CFLAR: variants seen among roughly 807,000 people sequenced by gnomAD.
CFLAR encodes the protein CASP8 and FADD like apoptosis regulator.
Under a neutral mutation model 51.1 loss-of-function variants are expected in CFLAR, and 14 were observed. The observed-to-expected ratio is 0.27, with a 90% CI of 0.18 to 0.43. The LOEUF (loss-of-function observed/expected upper bound fraction) is 0.43. CFLAR is among the 20% of genes least tolerant of loss of function. CFLAR has a pLI of 1.00. For missense variants in CFLAR, 390 were observed against 566.5 expected (o/e 0.69, Z 3.16); for synonymous variants, 210 against 211.6 (o/e 0.99, Z 0.06).
At chr2:201,117,970 G>A (rs6712963) in intron 1 of CFLAR, among the ~76,000 whole-genome samples, 23,256 of 151,812 alleles carry the variant, frequency 0.15, 1,999 homozygotes, top group African/African-American at 0.21. Flanking sequence ...GGTCAGTCTG[G>A]TCTCGAACTC....
At chr2:201,163,361 TTACAA>T in intron 9 of CFLAR, 1 of 1,159,758 alleles carries the variant, frequency 8.6e-7, no homozygotes, top group Non-Finnish European at 1.1e-6. Flanking sequence ...TGCACTCTAA[TTACAA>T]TTTAGAATGA....
At position 201,168,115 on chromosome 2, in the gene CFLAR, G is replaced by C. The variant is rs1014686682; in HGVS notation, c.*4142G>C. ...AAATTAGCCAGGCGTTGTGGCGGTCGCCTGTAGTCCCTGCTATTTGGGAGG... is the reference window on the plus strand; with the variant it reads ...AAATTAGCCAGGCGTTGTGGCGGTCCCCTGTAGTCCCTGCTATTTGGGAGG... On this transcript the variant is annotated 3_prime_UTR_variant, in exon 10 of 10. Transcript: ENST00000309955. 1 of 152,108 alleles carries C rather than the reference G, an allele frequency of 6.6e-6. No individual in the cohort carries two copies. Among genetic ancestry groups the C allele is most frequent in the Admixed American group, 6.5e-5 (1 of 15,268 alleles). The allele number at this position is 152,108 out of a possible 1,614,324, so 9.4% of individuals were successfully genotyped here.
intron 6 of CFLAR, 106 bp from the exon 7 acceptor site, chr2:201,148,897 A>C: frequency 1.3e-6 from 1 of 757,330 alleles, no homozygotes; most frequent in South Asian, 1.5e-5. Context: ...ATAATTGAAG[A>C]AAATAGGAAG....
chr2:201,126,305 T>C (rs2048702174), intron 1 of CFLAR, among the ~76,000 whole-genome samples: 1 of 152,166 alleles, frequency 6.6e-6, no homozygotes, highest in Non-Finnish European at 1.5e-5. Flanking sequence ...TTAAGACTAT[T>C]ACAAGGTGAT....
intron 5 of CFLAR, among the ~76,000 whole-genome samples, chr2:201,142,374 T>C (rs1939125604): frequency 6.6e-6 from 1 of 152,062 alleles, no homozygotes; most frequent in South Asian, 2.1e-4. Context: ...TTGGAGAATA[T>C]GTCTGTAAGA....
Position 201,124,544 on chromosome 2 carries a change from A to G in CFLAR, c.-137-5185A>G, listed in dbSNP as rs535916256. Among the ~76,000 whole-genome samples the G allele has an allele frequency of 1.3e-5, 2 of 152,184 alleles. No individual in the cohort carries two copies. The stretch of plus-strand genomic sequence containing the variant: ...GAGACAGGGTTTTGCCATGTTGGCC[A>G]GGCTGGTCTTGAACTCCTTGCCTCA... On this transcript the variant is annotated intron_variant, in intron 1 of 9. Transcript: ENST00000309955. This position sits in a 1 kb window ranked among gnomAD's most constrained non-coding sequence, Gnocchi z 4.7.
chr2:201,150,023 C>G (rs1447658872), intron 8 of CFLAR, 188 bp downstream of exon 8: 4 of 443,520 alleles, frequency 9.0e-6, no homozygotes, highest in Non-Finnish European at 1.6e-5. Flanking sequence ...GGGAGGATCA[C>G]TTGAGCCCAG....
intron 1 of CFLAR, among the ~76,000 whole-genome samples, chr2:201,123,464 G>A (rs573656749): frequency 4.7e-4 from 71 of 152,172 alleles, no homozygotes; most frequent in Non-Finnish European, 8.7e-4. Context: ...TGCATTCTAC[G>A]GAGGGGAGGA....
At position 201,174,918 on chromosome 2, in the gene CFLAR, A is replaced by G. The variant is rs1041337920; in HGVS notation, c.*10945A>G. 1 of 152,230 alleles carries G rather than the reference A, an allele frequency of 6.6e-6. No homozygotes were observed. Among genetic ancestry groups the G allele is most frequent in the Admixed American group, 6.5e-5 (1 of 15,282 alleles). The allele number at this position is 152,230 out of a possible 1,614,324, so 9.4% of individuals were successfully genotyped here. A position where few individuals can be genotyped will look rare whatever the true frequency, so the allele number is the denominator to read the frequency against. ...CAAACCAGCCAAAACCATGATGGTG[A>G]CAGAAGAGACCTCTGGTTACCTTTG... is the stretch of plus-strand genomic sequence containing the variant. On this transcript the variant is annotated 3_prime_UTR_variant, in exon 10 of 10. Coordinates refer to ENST00000309955, the MANE Select transcript of CFLAR (RefSeq NM_003879.7).
At chr2:201,141,077 CA>C (rs1201075318) in intron 5 of CFLAR, among the ~76,000 whole-genome samples, 6 of 151,948 alleles carry the variant, frequency 3.9e-5, no homozygotes, top group African/African-American at 1.5e-4. Flanking sequence ...CTAAAAAATA[CA>C]AAAATTAGCC....
Position 201,175,125 on chromosome 2 carries a change from T to C in CFLAR, c.*11152T>C, listed in dbSNP as rs910063838. 6.6e-6 allele frequency: 1 copy of C among 152,262 alleles called. No individual in the cohort carries two copies. Among genetic ancestry groups the C allele is most frequent in the African/African-American group, 2.4e-5 (1 of 41,458 alleles). 9.4% of individuals were successfully genotyped at this position (152,262 alleles called of 1,614,324 possible). A position where few individuals can be genotyped will look rare whatever the true frequency, so the allele number is the denominator to read the frequency against. On this transcript the variant is annotated 3_prime_UTR_variant, in exon 10 of 10. Transcript: ENST00000309955. ...AAGCCACCTCTTGTTTAGCGTATAG[T>C]CAAGAAGCAACCATAAATATAGCCA... is the stretch of plus-strand genomic sequence containing the variant.
rs77962008 is a variant in CFLAR, at chr2:201,160,797, G to T, written c.1159G>T (p.Ala387Ser). 2 of 1,614,126 alleles carry T rather than the reference G, an allele frequency of 1.2e-6. No individual in the cohort carries two copies. Among genetic ancestry groups the T allele is most frequent in the Admixed American group, 3.3e-5 (2 of 59,998 alleles). ...GPAMKNVEFK[A>S]QKRGLCTVHR... ...AGCGATGAAGAATGTGGAATTCAAG[G>T]CTCAGAAGCGAGGGCTGTGCACAGT... The change falls in exon 9 of 10, where the codon GCT becomes TCT. Residue 387 changes from alanine to serine, a missense_variant. Physicochemically the swap from Ala to Ser is moderately conservative, Grantham distance 99 (BLOSUM62 1). Coordinates refer to ENST00000309955, the MANE Select transcript of CFLAR (RefSeq NM_003879.7).
chr2:201,158,406 CTTTG>C (rs908146762), intron 8 of CFLAR, among the ~76,000 whole-genome samples: 20 of 152,288 alleles, frequency 1.3e-4, no homozygotes, highest in African/African-American at 4.6e-4. Flanking sequence ...CTTTCAAGGA[CTTTG>C]TTTGATAAGG....
rs1305647085 is a variant in CFLAR at position 201,165,146 on chromosome 2, C to T, written c.*1173C>T. The T allele has an allele frequency of 6.6e-6, 1 of 152,010 alleles. No homozygotes were observed. The highest frequency in any genetic ancestry group is 2.4e-5 in the African/African-American group (1 of 41,358). 9.4% of individuals were successfully genotyped at this position (152,010 alleles called of 1,614,324 possible). On this transcript the variant is annotated 3_prime_UTR_variant, in exon 10 of 10. Transcript: ENST00000309955. ...AGGTTACTTGTTCATTCACCTAGAC[C>T]TCAAATTGCATTTTACAGCTAGTCA...
At chr2:201,130,552 G>T (rs924925069) in intron 2 of CFLAR, among the ~76,000 whole-genome samples, 1 of 151,590 alleles carries the variant, frequency 6.6e-6, no homozygotes, top group African/African-American at 2.4e-5. Context: ...TTTTAGTGGA[G>T]ACGGGGTTTC....
chr2:201,145,522 T>G, intron 6 of CFLAR, 90 bp downstream of exon 6: 1 of 841,952 alleles, frequency 1.2e-6, no homozygotes, highest in Non-Finnish European at 2.0e-6. Context: ...TCATTTCCTT[T>G]ATCTACATAA....
At position 201,120,013 on chromosome 2, in the gene CFLAR, C is replaced by T. The variant is rs367583665; in HGVS notation, c.-138+3532C>T. On this transcript the variant is annotated intron_variant, in intron 1 of 9. Coordinates refer to ENST00000309955, the MANE Select transcript of CFLAR (RefSeq NM_003879.7). ...TAAAAAAGATTCAAGGTGGGGCCTTCTTTTCTTTTCTTTTTTTTTTTTTTT... is the reference window on the plus strand; with the variant it reads ...TAAAAAAGATTCAAGGTGGGGCCTTTTTTTCTTTTCTTTTTTTTTTTTTTT... 8.9e-4 allele frequency among the ~76,000 whole-genome samples: 113 copies of T among 127,348 alleles called. 1 individual carries two copies. Among genetic ancestry groups the T allele is most frequent in the African/African-American group, 3.0e-3 (99 of 33,292 alleles). 83.5% of individuals were successfully genotyped at this position (127,348 alleles called of 152,430 possible). A position where few individuals can be genotyped will look rare whatever the true frequency, so the allele number is the denominator to read the frequency against.
intron 5 of CFLAR, among the ~76,000 whole-genome samples, 180 bp from the exon 6 acceptor site, chr2:201,145,198 T>C (rs1330352032): frequency 2.0e-5 from 3 of 152,212 alleles, no homozygotes; most frequent in Non-Finnish European, 4.4e-5. Flanking sequence ...TTTGGTAATA[T>C]GATACGGGAT....
At chr2:201,141,291 A>C in intron 5 of CFLAR, 1 of 1,472,796 alleles carries the variant, frequency 6.8e-7, no homozygotes. Context: ...TCCTAAAGGC[A>C]GCTGTTGTGA....
Sources: gnomAD v4.1 joint callset for allele counts (sites outside exome capture counted in the v4.1 genomes callset) on GRCh38, gnomAD v4.1.1 for gene constraint, Gnocchi (gnomAD v3.1) non-coding constraint, MANE v1.5 for transcripts, NCBI Gene and HGNC (gene_info 2026-07-23, HGNC 2026-07-21) for gene names.